ARHGEF7: variants seen among roughly 807,000 people sequenced by gnomAD.
ARHGEF7 encodes the protein PAK-interacting exchange factor beta.
ARHGEF7 carries 33 observed loss-of-function variants against 109.8 expected under a neutral mutation model. That is an observed-to-expected ratio of 0.30 (90% CI 0.23 to 0.40). The LOEUF is 0.40. Ranked by LOEUF, ARHGEF7 falls within the 10% of genes least tolerant of loss-of-function variation. The probability of loss-of-function intolerance (pLI) is 1.00; values close to 1 mark genes in which losing one functional copy is unlikely to be tolerated. For missense variants in ARHGEF7, 938 were observed against 1,098.5 expected (o/e 0.85, Z 2.07); for synonymous variants, 458 against 424.6 (o/e 1.08, Z -0.97).
chr13:111,150,688 G>T (rs1353432454), intron 1 of ARHGEF7, among the ~76,000 whole-genome samples: 1 of 152,138 alleles, frequency 6.6e-6, no homozygotes, highest in African/African-American at 2.4e-5. Context: ...TGTCATGGTG[G>T]CTTCCTTGTT....
chr13:111,152,742 C>T (rs2075959104), intron 1 of ARHGEF7, among the ~76,000 whole-genome samples: 1 of 152,212 alleles, frequency 6.6e-6, no homozygotes, highest in African/African-American at 2.4e-5. Context: ...TTAATGTCTT[C>T]ACATGTAATT....
rs1334168255 is a variant in ARHGEF7, at chr13:111,285,697, T to C, written c.1951-450T>C. 2.6e-4 allele frequency among the ~76,000 whole-genome samples: 40 copies of C among 152,308 alleles called. 1 individual carries two copies. The highest frequency in any genetic ancestry group is 3.4e-3 in the Middle Eastern group (1 of 294). ...TTCAAATATTTTCTTAAAGCAATTA[T>C]TTTTTACTTATCTGTCATTTAATGA... On this transcript the variant is annotated intron_variant, in intron 16 of 21. Coordinates refer to ENST00000646102, the MANE Select transcript of ARHGEF7 (RefSeq NM_001354046.2).
At chr13:111,181,223 T>TG (rs200676379) in intron 2 of ARHGEF7, among the ~76,000 whole-genome samples, 2,688 of 152,294 alleles carry the variant, frequency 0.018, 32 homozygotes, top group Non-Finnish European at 0.024. Context: ...ATTGATCACA[T>TG]GGGGGTCTTA....
intron 9 of ARHGEF7, among the ~76,000 whole-genome samples, chr13:111,269,782 T>C (rs1399173725): frequency 6.6e-6 from 1 of 152,160 alleles, no homozygotes; most frequent in Non-Finnish European, 1.5e-5. Flanking sequence ...TCCCGCTGTG[T>C]TGGCCACAGA....
Position 111,115,606 on chromosome 13 carries a change from CG to C in ARHGEF7, c.82del (p.Glu28ArgfsTer8). 7.1e-7 allele frequency: 1 copy of C among 1,416,702 alleles called. No homozygotes were observed. Among genetic ancestry groups the C allele is most frequent in the Non-Finnish European group, 9.4e-7 (1 of 1,069,040 alleles). The allele number at this position is 1,416,702 out of a possible 1,614,324, so 87.8% of individuals were successfully genotyped here. ...TCGCCCAAAAAAACCATCTCGGACC[CG>C]GAGGGCTTTCTGCAGGCGTCGCTGA... ...LESPKKTISD[P>X]EGFLQASLKD... On this transcript the variant is annotated frameshift_variant, in exon 1 of 22. Coordinates refer to ENST00000646102, the MANE Select transcript of ARHGEF7 (RefSeq NM_001354046.2). LOFTEE classifies it high-confidence loss of function.
rs1566641546 is a variant in ARHGEF7 at position 111,153,920 on chromosome 13, C to CGGAGCG, written c.182_187dup (p.Ser62_Glu63insGlySer). On this transcript the variant is annotated inframe_insertion, in exon 2 of 22. Coordinates refer to ENST00000646102, the MANE Select transcript of ARHGEF7 (RefSeq NM_001354046.2). ...TGTATTGCAGGTCTACCCCGAGCCC[C>CGGAGCG]GGAGCGAGAGCGAGTGCCTGAGCAA... The CGGAGCG allele has an allele frequency of 6.2e-7, 1 of 1,605,198 alleles. No homozygotes were observed. Among genetic ancestry groups the CGGAGCG allele is most frequent in the Non-Finnish European group, 8.5e-7 (1 of 1,177,198 alleles).
chr13:111,153,788 G>C (rs1306347587), intron 1 of ARHGEF7, 117 bp from the exon 2 acceptor site: 1 of 1,385,746 alleles, frequency 7.2e-7, no homozygotes, highest in South Asian at 1.6e-5. Flanking sequence ...GCCGTCGGGG[G>C]CCGCTCGCCA....
At chr13:111,210,143 T>A in intron 4 of ARHGEF7, 141 bp downstream of exon 4, 2 of 1,108,102 alleles carry the variant, frequency 1.8e-6, no homozygotes, top group Non-Finnish European at 2.6e-6. Context: ...GTTGTGCCTG[T>A]AATCTGGTTT....
intron 18 of ARHGEF7, among the ~76,000 whole-genome samples, chr13:111,290,970 A>C (rs1023514081): frequency 6.6e-6 from 1 of 152,230 alleles, no homozygotes; most frequent in African/African-American, 2.4e-5. Flanking sequence ...AATATATTTT[A>C]CCTAAAATGC....
At chr13:111,158,681 G>A (rs138746789) in intron 2 of ARHGEF7, among the ~76,000 whole-genome samples, 1 of 152,296 alleles carries the variant, frequency 6.6e-6, no homozygotes, top group East Asian at 1.9e-4. Context: ...AGACCAGCTA[G>A]TCACATAAAG....
rs1328242258 is a variant in ARHGEF7 at position 111,267,396 on chromosome 13, G to T, written c.951-152G>T. ...CCTTCTCCTTGCTAGACTCAAGGCA[G>T]CAACACATGTGTGCTGGGATCGGGG... On this transcript the variant is annotated intron_variant, in intron 8 of 21. Transcript: ENST00000646102. The T allele has an allele frequency of 1.3e-5, 13 of 970,076 alleles. No homozygotes were observed. In the East Asian group the frequency reaches 3.3e-4, roughly 24 times the overall value. The allele number at this position is 970,076 out of a possible 1,614,324, so 60.1% of individuals were successfully genotyped here.
At chr13:111,158,638 T>C (rs764298537) in intron 2 of ARHGEF7, among the ~76,000 whole-genome samples, 8 of 152,210 alleles carry the variant, frequency 5.3e-5, no homozygotes, top group Non-Finnish European at 1.0e-4. Flanking sequence ...TTGGTTGGCT[T>C]TTGGTCTCTC....
At chr13:111,147,933 G>A (rs2083173) in intron 1 of ARHGEF7, among the ~76,000 whole-genome samples, 53,919 of 151,688 alleles carry the variant, frequency 0.36, 10,618 homozygotes, top group East Asian at 0.66. Context: ...TCCTGACCTC[G>A]TGATCCGCCC....
chr13:111,177,464 G>A (rs2078281641), intron 2 of ARHGEF7, among the ~76,000 whole-genome samples: 1 of 152,210 alleles, frequency 6.6e-6, no homozygotes, highest in Non-Finnish European at 1.5e-5. Context: ...TGTTCTGAAT[G>A]CGGCTGGAAT....
intron 19 of ARHGEF7, chr13:111,295,015 A>C: frequency 1.0e-6 from 1 of 985,874 alleles, no homozygotes; most frequent in Non-Finnish European, 1.2e-6. Context: ...GTGAATGGGA[A>C]AAGCCATTTT....
intron 2 of ARHGEF7, among the ~76,000 whole-genome samples, chr13:111,196,222 T>G (rs2080482374): frequency 1.3e-5 from 2 of 152,270 alleles, no homozygotes; most frequent in East Asian, 3.9e-4. Context: ...AGAACACAGG[T>G]CAACAGATGT....
chr13:111,243,802 A>C (rs2088269611), intron 6 of ARHGEF7, 70 bp from the exon 7 acceptor site: 1 of 1,003,874 alleles, frequency 1.0e-6, no homozygotes, highest in South Asian at 1.5e-5. Context: ...TGAACTGTCC[A>C]AAGTGTATAA....
intron 19 of ARHGEF7, chr13:111,293,247 C>T (rs551637899): frequency 9.2e-5 from 91 of 985,354 alleles, no homozygotes; most frequent in African/African-American, 4.2e-4. Flanking sequence ...TCAGTTCCCC[C>T]GGCTCCCCAC....
At chr13:111,203,196 G>A in intron 2 of ARHGEF7, 2 of 900,680 alleles carry the variant, frequency 2.2e-6, no homozygotes, top group Non-Finnish European at 3.0e-6. Flanking sequence ...AATTTTCAGA[G>A]CACTAAGATT....
Sources: gnomAD v4.1 joint callset for allele counts (sites outside exome capture counted in the v4.1 genomes callset) on GRCh38, gnomAD v4.1.1 for gene constraint, MANE v1.5 for transcripts, NCBI Gene and HGNC (gene_info 2026-07-23, HGNC 2026-07-21) for gene names.